COL19A1: variants seen among roughly 807,000 people sequenced by gnomAD.
The protein encoded by COL19A1 is collagen alpha-1(XIX) chain.
In COL19A1, 159 loss-of-function variants were observed where a neutral mutation model predicts 190.2. The observed-to-expected ratio is 0.84, with a 90% CI of 0.73 to 0.95. The LOEUF (loss-of-function observed/expected upper bound fraction) is 0.95, where lower values mean the gene tolerates loss of function less well. Ranked by LOEUF, COL19A1 falls within the 40% of genes least tolerant of loss-of-function variation. The pLI is 0.00. For missense variants in COL19A1, 1,418 were observed against 1,431.9 expected (o/e 0.99, Z 0.16); for synonymous variants, 509 against 458.9 (o/e 1.11, Z -1.39).
chr6:70,156,528 G>A (rs529094992), intron 33 of COL19A1, 142 bp from the exon 34 acceptor site: 1 of 1,060,944 alleles, frequency 9.4e-7, no homozygotes, highest in African/African-American at 1.6e-5. Flanking sequence ...TGATGTAAAA[G>A]TCACTTGCAA....
chr6:70,108,801 A>C (rs1784117181), intron 16 of COL19A1, among the ~76,000 whole-genome samples: 1 of 152,166 alleles, frequency 6.6e-6, no homozygotes. Context: ...GTCTGATTTG[A>C]AACATGTACA....
rs761717773 is a variant in COL19A1 at position 70,145,023 on chromosome 6, T to G, written c.1770+16T>G. On this transcript the variant is annotated intron_variant, in intron 25 of 50. Coordinates refer to ENST00000620364, the MANE Select transcript of COL19A1 (RefSeq NM_001858.6). ...AGGGGAACCAGTAAGTATTAGCCCT[T>G]TTGTTAATATTTTTCTTGCAAGTTC... is the stretch of plus-strand genomic sequence containing the variant. 6.0e-6 allele frequency: 9 copies of G among 1,502,190 alleles called. No individual in the cohort carries two copies. The East Asian group carries it at 1.9e-4, about 32-fold the overall frequency. The allele number at this position is 1,502,190 out of a possible 1,614,324, so 93.1% of individuals were successfully genotyped here.
chr6:69,993,730 T>C (rs1776748658), intron 11 of COL19A1, among the ~76,000 whole-genome samples: 2 of 152,172 alleles, frequency 1.3e-5, no homozygotes, highest in African/African-American at 4.8e-5. Context: ...CTAGATTTTC[T>C]AGTTTGTGTG....
At chr6:69,960,499 C>CA (rs1468323248) in intron 10 of COL19A1, among the ~76,000 whole-genome samples, 3 of 151,976 alleles carry the variant, frequency 2.0e-5, no homozygotes, top group Non-Finnish European at 4.4e-5. Flanking sequence ...ACTACCTCTT[C>CA]AAAAATATTT....
intron 4 of COL19A1, among the ~76,000 whole-genome samples, chr6:69,902,503 G>A (rs530631648): frequency 1.3e-5 from 2 of 152,286 alleles, no homozygotes; most frequent in South Asian, 4.1e-4. Flanking sequence ...ATAGACATCT[G>A]TCAGGTCCAC....
chr6:69,967,371 G>A (rs80119363), intron 11 of COL19A1, among the ~76,000 whole-genome samples: 4 of 152,108 alleles, frequency 2.6e-5, no homozygotes, highest in African/African-American at 7.2e-5. Flanking sequence ...GCACTTCTTC[G>A]TGAATCATAA....
intron 2 of COL19A1, among the ~76,000 whole-genome samples, chr6:69,882,517 A>G (rs1013371648): frequency 1.9e-4 from 29 of 152,224 alleles, no homozygotes; most frequent in Non-Finnish European, 3.7e-4. Context: ...GTATCAAATA[A>G]TTAAAGTTTC....
intron 7 of COL19A1, among the ~76,000 whole-genome samples, chr6:69,934,654 A>G (rs1417084630): frequency 6.6e-6 from 1 of 151,960 alleles, no homozygotes; most frequent in Non-Finnish European, 1.5e-5. Context: ...TGAAAAGATT[A>G]TTTGGGAGTT....
intron 4 of COL19A1, among the ~76,000 whole-genome samples, chr6:69,902,240 T>C (rs9454912): frequency 0.28 from 43,089 of 152,158 alleles, 7,024 homozygotes; most frequent in African/African-American, 0.44. Flanking sequence ...AGTAAAGTTG[T>C]AGCTATTTAT....
intron 39 of COL19A1, among the ~76,000 whole-genome samples, chr6:70,168,449 G>A (rs1056348951): frequency 1.1e-4 from 17 of 152,062 alleles, no homozygotes; most frequent in African/African-American, 3.9e-4. Context: ...GCAAATCTAA[G>A]AACTAAGTCA....
chr6:69,931,451 A>T (rs1002871218), intron 6 of COL19A1, among the ~76,000 whole-genome samples: 1 of 152,136 alleles, frequency 6.6e-6, no homozygotes, highest in Non-Finnish European at 1.5e-5. Context: ...GTTAAGTAAA[A>T]CAATTCATAA....
chr6:70,152,160 C>T (rs375823324), intron 31 of COL19A1, among the ~76,000 whole-genome samples: 3 of 151,966 alleles, frequency 2.0e-5, no homozygotes, highest in African/African-American at 7.3e-5. Flanking sequence ...ACATGAAAAT[C>T]AGGCCCTTGA....
chr6:70,098,557 C>T, intron 15 of COL19A1: 1 of 440,368 alleles, frequency 2.3e-6, no homozygotes, highest in Non-Finnish European at 4.4e-6. Context: ...TCCTCTTGCA[C>T]TTAGCAGGGT....
chr6:70,049,203 A>C lies in COL19A1; in HGVS notation c.1170+13264A>C, dbSNP rs900500055. Among the ~76,000 whole-genome samples the C allele has an allele frequency of 3.9e-5, 6 of 152,106 alleles. No individual in the cohort carries two copies. In the South Asian group the frequency reaches 1.2e-3, roughly 31 times the overall value. ...AAGTTGCGTAATTTGTATTTAATTC[A>C]TTGTTAGTTTTCTGAAACTAGTAAT... On this transcript the variant is annotated intron_variant, in intron 14 of 50. Transcript: ENST00000620364.
At chr6:70,004,926 G>A (rs1196543283) in intron 11 of COL19A1, among the ~76,000 whole-genome samples, 6 of 151,058 alleles carry the variant, frequency 4.0e-5, no homozygotes, top group East Asian at 2.0e-4. Context: ...TCTGCCCCCC[G>A]GGTTCATGCC....
chr6:70,133,425 A>G (rs1785644771), intron 18 of COL19A1, among the ~76,000 whole-genome samples: 1 of 152,316 alleles, frequency 6.6e-6, no homozygotes, highest in South Asian at 2.1e-4. Flanking sequence ...GTAAATGGCC[A>G]TGGAGACCAT....
intron 4 of COL19A1, among the ~76,000 whole-genome samples, chr6:69,923,572 C>T (rs1356914181): frequency 6.6e-6 from 1 of 152,062 alleles, no homozygotes; most frequent in African/African-American, 2.4e-5. Context: ...CTGCCTGAGG[C>T]AGGAGTTATA....
chr6:69,918,636 G>T (rs1251869949), intron 4 of COL19A1, among the ~76,000 whole-genome samples: 2 of 152,118 alleles, frequency 1.3e-5, no homozygotes, highest in Non-Finnish European at 2.9e-5. Context: ...AGCCTGGGAG[G>T]TTGAGGCTGC....
intron 16 of COL19A1, among the ~76,000 whole-genome samples, chr6:70,115,136 A>G (rs1319766349): frequency 6.6e-6 from 1 of 152,126 alleles, no homozygotes; most frequent in Non-Finnish European, 1.5e-5. Context: ...TCCCTTTCCT[A>G]CTTGGTACTG....
Sources: allele counts gnomAD v4.1 joint callset (sites outside exome capture counted in the v4.1 genomes callset), GRCh38; gene constraint gnomAD v4.1.1; transcripts MANE v1.5; gene names NCBI Gene and HGNC (gene_info 2026-07-23, HGNC 2026-07-21).